Variants in MINDY2 observed in about 807,000 individuals in gnomAD.
MINDY2 encodes the protein ubiquitin carboxyl-terminal hydrolase MINDY-2.
A neutral mutation model predicts 68.2 loss-of-function variants in MINDY2; 52 were observed. The observed-to-expected ratio is 0.76, with a 90% CI of 0.61 to 0.96. The LOEUF (loss-of-function observed/expected upper bound fraction) is 0.96, where lower values mean the gene tolerates loss of function less well. Ranked by LOEUF, MINDY2 falls within the 40% of genes least tolerant of loss-of-function variation. The pLI, the probability that MINDY2 is intolerant of heterozygous loss-of-function variation, is 0.00. For missense variants in MINDY2, 881 were observed against 773.4 expected, an observed-to-expected ratio of 1.14 and a Z score of -1.65; for synonymous variants, 372 against 303.0, an observed-to-expected ratio of 1.23 and a Z score of -2.36.
chr15:58,847,203 T>C (rs1397718790), intron 6 of MINDY2, 94 bp from the exon 7 acceptor site: 1 of 961,518 alleles, frequency 1.0e-6, no homozygotes, highest in African/African-American at 1.6e-5. Flanking sequence ...TTTAATATAT[T>C]CTGAAGATAC....
chr15:58,794,709 A>G (rs1484579075), intron 2 of MINDY2, among the ~76,000 whole-genome samples: 2 of 152,130 alleles, frequency 1.3e-5, no homozygotes, highest in Non-Finnish European at 1.5e-5. Flanking sequence ...AGAGAACAGA[A>G]CTATCACTTA....
intron 2 of MINDY2, chr15:58,796,157 T>G (rs1314462064): frequency 4.4e-6 from 2 of 455,700 alleles, no homozygotes; most frequent in East Asian, 6.9e-5. Context: ...CAAATGGGTA[T>G]GGGAAGTGGG....
At chr15:58,815,407 G>T (rs1435414858) in intron 4 of MINDY2, 2 of 152,192 alleles carry the variant, frequency 1.3e-5, no homozygotes, top group African/African-American at 4.8e-5. Context: ...CTGGAGTGCA[G>T]TGGCACAGTC....
chr15:58,831,692 G>C, intron 5 of MINDY2, 82 bp from the exon 6 acceptor site: 2 of 1,290,652 alleles, frequency 1.5e-6, no homozygotes, highest in Non-Finnish European at 2.1e-6. Flanking sequence ...TTCCATACTT[G>C]GAACACACTT....
At chr15:58,800,439 T>A (rs569626359) in intron 2 of MINDY2, among the ~76,000 whole-genome samples, 2 of 152,194 alleles carry the variant, frequency 1.3e-5, no homozygotes, top group South Asian at 4.1e-4. Context: ...GCCAAACTTA[T>A]CAGCATATTA....
intron 6 of MINDY2, among the ~76,000 whole-genome samples, chr15:58,844,830 G>A (rs542723469): frequency 7.5e-5 from 11 of 147,110 alleles, no homozygotes; most frequent in East Asian, 2.1e-4. Context: ...CAGGACAGTC[G>A]CTTGAACCCA....
intron 7 of MINDY2, 112 bp from the exon 8 acceptor site, chr15:58,851,659 G>A (rs1295740394): frequency 1.2e-6 from 1 of 859,812 alleles, no homozygotes; most frequent in African/African-American, 1.8e-5. Context: ...CAGGCCTGGT[G>A]TATTTTTTAA....
At chr15:58,829,643 T>C (rs1282479303) in intron 5 of MINDY2, among the ~76,000 whole-genome samples, 1 of 152,166 alleles carries the variant, frequency 6.6e-6, no homozygotes, top group African/African-American at 2.4e-5. Flanking sequence ...AAAACATCTT[T>C]CTGAAGGGAA....
intron 4 of MINDY2, among the ~76,000 whole-genome samples, chr15:58,810,988 T>TA (rs2030199820): frequency 6.6e-6 from 1 of 152,336 alleles, no homozygotes; most frequent in South Asian, 2.1e-4. Context: ...ATTGCCCATG[T>TA]AATTGAACCC....
intron 6 of MINDY2, among the ~76,000 whole-genome samples, chr15:58,844,387 A>G: frequency 6.6e-6 from 1 of 151,468 alleles, no homozygotes; most frequent in Middle Eastern, 3.4e-3. Flanking sequence ...CTCTACTAAA[A>G]AATACAAAAA....
At chr15:58,789,772 C>T (rs865845701) in intron 2 of MINDY2, among the ~76,000 whole-genome samples, 3 of 152,102 alleles carry the variant, frequency 2.0e-5, no homozygotes, top group Non-Finnish European at 2.9e-5. Flanking sequence ...CTCAGCCTCC[C>T]GAGTAGCTGG....
intron 6 of MINDY2, among the ~76,000 whole-genome samples, chr15:58,845,141 C>CA (rs2032471288): frequency 6.6e-6 from 1 of 151,934 alleles, no homozygotes; most frequent in Admixed American, 6.6e-5. Flanking sequence ...TGTGGTGGCT[C>CA]ACACCTGTAA....
intron 4 of MINDY2, among the ~76,000 whole-genome samples, chr15:58,819,125 C>T (rs1263954464): frequency 1.3e-5 from 2 of 152,068 alleles, no homozygotes; most frequent in Non-Finnish European, 2.9e-5. Context: ...TATGGACGTG[C>T]ACCACCATGT....
chr15:58,833,665 G>C (rs558433633), intron 6 of MINDY2, among the ~76,000 whole-genome samples: 1 of 152,084 alleles, frequency 6.6e-6, no homozygotes, highest in Non-Finnish European at 1.5e-5. Flanking sequence ...CATAAACATC[G>C]CAATGCCTTA....
chr15:58,827,540 T>C (rs1488951600), intron 5 of MINDY2, among the ~76,000 whole-genome samples: 8 of 152,126 alleles, frequency 5.3e-5, no homozygotes, highest in Admixed American at 5.2e-4. Context: ...CTCGGCTCAC[T>C]GTAAGCTCCG....
At chr15:58,780,157 C>T (rs1161365771) in intron 1 of MINDY2, among the ~76,000 whole-genome samples, 1 of 152,102 alleles carries the variant, frequency 6.6e-6, no homozygotes, top group Non-Finnish European at 1.5e-5. Flanking sequence ...GTAATCCCAG[C>T]ACTTTGTGAG....
At position 58,771,342 on chromosome 15, in the gene MINDY2, T is replaced by C; in HGVS notation, c.-54T>C. On this transcript the variant is annotated 5_prime_UTR_variant, in exon 1 of 9. Coordinates refer to ENST00000559228, the MANE Select transcript of MINDY2 (RefSeq NM_001040450.3). Reference sequence around the variant, plus strand: ...ACAGCTGTCATGGCGTCCAAGGCGCTGGCTGCGGAGAAGTGGCCGCGGTCT... The same window carrying C: ...ACAGCTGTCATGGCGTCCAAGGCGCCGGCTGCGGAGAAGTGGCCGCGGTCT... 6.4e-7 allele frequency: 1 copy of C among 1,557,410 alleles called. No homozygotes were observed. Among genetic ancestry groups the C allele is most frequent in the Non-Finnish European group, 8.7e-7 (1 of 1,154,178 alleles).
At position 58,837,693 on chromosome 15, in the gene MINDY2, G is replaced by T. The variant is rs140269564; in HGVS notation, c.1368+5777G>T. 3.9e-3 allele frequency among the ~76,000 whole-genome samples: 597 copies of T among 152,002 alleles called. 2 individuals carry two copies. Among genetic ancestry groups the T allele is most frequent in the African/African-American group, 0.014 (566 of 41,464 alleles). On this transcript the variant is annotated intron_variant, in intron 6 of 8. Coordinates refer to ENST00000559228, the MANE Select transcript of MINDY2 (RefSeq NM_001040450.3). ...CTTATGCATTCATATTTAATGACCA[G>T]CCAGGCTTACACATGTAATTGCAGT...
intron 5 of MINDY2, among the ~76,000 whole-genome samples, chr15:58,830,028 C>T (rs1053113559): frequency 6.6e-6 from 1 of 152,276 alleles, no homozygotes; most frequent in Non-Finnish European, 1.5e-5. Context: ...TTAGGGCATT[C>T]CCTTCCCTCC....
Sources: allele counts gnomAD v4.1 joint callset (sites outside exome capture counted in the v4.1 genomes callset), GRCh38; gene constraint gnomAD v4.1.1; transcripts MANE v1.5; gene names NCBI Gene and HGNC (gene_info 2026-07-23, HGNC 2026-07-21).